The following TRPC5 variants were observed in gnomAD, a reference collection of about 807,000 sequenced individuals.
The protein encoded by TRPC5 is short transient receptor potential channel 5.
In TRPC5, 9 loss-of-function variants were observed where a neutral mutation model predicts 56.5. That is an observed-to-expected ratio of 0.16 (90% CI 0.10 to 0.28). The LOEUF (loss-of-function observed/expected upper bound fraction) is 0.28, where lower values mean the gene tolerates loss of function less well. TRPC5 is among the 10% of genes least tolerant of loss of function. The probability of loss-of-function intolerance (pLI) is 1.00; values close to 1 mark genes in which losing one functional copy is unlikely to be tolerated. For missense variants in TRPC5, 469 were observed against 748.9 expected, an observed-to-expected ratio of 0.63 and a Z score of 4.36; for synonymous variants, 282 against 278.5, an observed-to-expected ratio of 1.01 and a Z score of -0.13.
intron 7 of TRPC5, among the ~76,000 whole-genome samples, chrX:111,806,575 C>T (rs1049541605): frequency 8.9e-6 from 1 of 111,767 alleles, no homozygotes; most frequent in South Asian, 3.7e-4. Context: ...AAGCCATGGT[C>T]TTTTTGTAAC....
chrX:111,841,761 A>G (rs1325839308), intron 6 of TRPC5, among the ~76,000 whole-genome samples: 1 of 111,289 alleles, frequency 9.0e-6, no homozygotes, highest in Non-Finnish European at 1.9e-5. Flanking sequence ...CCCAGGCTGG[A>G]GTGCAATGGC....
chrX:111,856,934 CTG>C lies in TRPC5; in HGVS notation c.901-2830_901-2829del, dbSNP rs921728828. ...TATAATAAAGCAGTTGCAACTGGCT[CTG>C]TTGTTTACTAACTGTGCAACTGAAC... On this transcript the variant is annotated intron_variant, in intron 3 of 10. Coordinates refer to ENST00000262839, the MANE Select transcript of TRPC5 (RefSeq NM_012471.3). Among the ~76,000 whole-genome samples, 16 of 110,317 alleles carry C rather than the reference CTG, an allele frequency of 1.5e-4. No homozygotes were observed. The Admixed American group carries it at 1.5e-3, about 10-fold the overall frequency.
intron 2 of TRPC5, among the ~76,000 whole-genome samples, chrX:111,943,041 A>T (rs1168259620): frequency 9.0e-6 from 1 of 111,707 alleles, no homozygotes; most frequent in South Asian, 3.8e-4. Flanking sequence ...TTGAGTACTT[A>T]CTAGATATCA....
intron 1 of TRPC5, among the ~76,000 whole-genome samples, chrX:111,980,503 A>T (rs1034591802): frequency 3.9e-4 from 44 of 111,728 alleles, no homozygotes; most frequent in African/African-American, 1.4e-3. Flanking sequence ...AAAATTGAGG[A>T]AATATTCTTT....
At chrX:111,954,187 G>A (rs1927167862) in intron 1 of TRPC5, among the ~76,000 whole-genome samples, 1 of 112,287 alleles carries the variant, frequency 8.9e-6, no homozygotes, top group Non-Finnish European at 1.9e-5. Flanking sequence ...CCTTTACCTT[G>A]TAAACAAAAA....
At chrX:111,804,614 A>G (rs2148561827) in intron 7 of TRPC5, among the ~76,000 whole-genome samples, 1 of 111,369 alleles carries the variant, frequency 9.0e-6, no homozygotes, top group Non-Finnish European at 1.9e-5. Context: ...TTTTGTAGCA[A>G]TTGTGAATGG....
In TRPC5 at chrX:112,000,366, C is replaced by T. The variant is rs750260590; in HGVS notation, c.-21-47925G>A. Among the ~76,000 whole-genome samples the T allele has an allele frequency of 8.0e-5, 9 of 111,962 alleles. No homozygotes were observed. The East Asian group carries it at 2.3e-3, about 28-fold the overall frequency. ...GTTTGAATGAGATGGTACCAAAGCA[C>T]GTACAGAAATATACAAAGAAGTACA... On this transcript the variant is annotated intron_variant, in intron 1 of 10. Coordinates refer to ENST00000262839, the MANE Select transcript of TRPC5 (RefSeq NM_012471.3).
intron 7 of TRPC5, among the ~76,000 whole-genome samples, chrX:111,820,535 T>C (rs1177566601): frequency 8.9e-6 from 1 of 112,159 alleles, no homozygotes. Flanking sequence ...CAAATTTCAG[T>C]GTCAATAAGT....
intron 1 of TRPC5, among the ~76,000 whole-genome samples, chrX:112,063,534 CA>C (rs1188230400): frequency 8.9e-6 from 1 of 111,759 alleles, no homozygotes; most frequent in Non-Finnish European, 1.9e-5. Context: ...CAACCATAGA[CA>C]ACTAATAAAA....
intron 1 of TRPC5, among the ~76,000 whole-genome samples, chrX:112,068,268 GAAATCT>G (rs1930635560): frequency 8.9e-6 from 1 of 112,317 alleles, no homozygotes; most frequent in African/African-American, 3.2e-5. Context: ...TCCTGCACTT[GAAATCT>G]CCCTCTTTCC....
chrX:112,032,195 A>C (rs189902134), intron 1 of TRPC5, among the ~76,000 whole-genome samples: 54 of 111,051 alleles, frequency 4.9e-4, no homozygotes, highest in African/African-American at 1.7e-3. Flanking sequence ...CTACAATGAG[A>C]TATTACCTCA....
At chrX:111,878,243 AAAAAT>A (rs1924049504) in intron 3 of TRPC5, among the ~76,000 whole-genome samples, 1 of 111,237 alleles carries the variant, frequency 9.0e-6, no homozygotes, top group East Asian at 2.8e-4. Context: ...TATGTCAATT[AAAAAT>A]AAAATAAAAT....
chrX:112,023,853 C>T (rs192635802), intron 1 of TRPC5, among the ~76,000 whole-genome samples: 14 of 111,514 alleles, frequency 1.3e-4, no homozygotes, highest in African/African-American at 3.9e-4. Flanking sequence ...CTGCCCAAAC[C>T]CCAGCAGAGG....
chrX:112,030,349 C>T (rs968718292), intron 1 of TRPC5, among the ~76,000 whole-genome samples: 4 of 112,200 alleles, frequency 3.6e-5, no homozygotes, highest in Admixed American at 1.9e-4. Context: ...GTGACTTGCC[C>T]GAAGTCCATA....
intron 1 of TRPC5, among the ~76,000 whole-genome samples, chrX:112,061,472 C>T (rs1368665432): frequency 4.5e-5 from 5 of 111,726 alleles, no homozygotes; most frequent in South Asian, 7.4e-4. Context: ...CCATATTAGT[C>T]TTCAGATCTG....
At chrX:111,878,606 C>T (rs1047569059) in intron 3 of TRPC5, among the ~76,000 whole-genome samples, 1 of 111,578 alleles carries the variant, frequency 9.0e-6, no homozygotes, top group African/African-American at 3.3e-5. Context: ...ATTTCCCCAG[C>T]CTCTACCCAC....
At chrX:111,796,563 A>T (rs1026920217) in intron 7 of TRPC5, among the ~76,000 whole-genome samples, 7 of 112,020 alleles carry the variant, frequency 6.2e-5, no homozygotes, top group African/African-American at 2.3e-4. Context: ...AAAGCCATTG[A>T]AGTCTATTTT....
intron 3 of TRPC5, chrX:111,902,707 T>G (rs1228033974): frequency 8.9e-6 from 1 of 112,379 alleles, no homozygotes; most frequent in African/African-American, 3.2e-5. Context: ...CAAAAAATGC[T>G]ATAGCAGACT....
intron 3 of TRPC5, among the ~76,000 whole-genome samples, chrX:111,899,325 T>G: frequency 9.0e-6 from 1 of 111,482 alleles, no homozygotes. Context: ...CTCTGCTTTT[T>G]ATGTTTAGGT....
Sources: gnomAD v4.1 joint callset for allele counts (sites outside exome capture counted in the v4.1 genomes callset) on GRCh38, gnomAD v4.1.1 for gene constraint, MANE v1.5 for transcripts, NCBI Gene and HGNC (gene_info 2026-07-23, HGNC 2026-07-21) for gene names.